The following NAV3 variants were observed in gnomAD, a reference collection of about 807,000 sequenced individuals.
The protein encoded by NAV3 is pore membrane and/or filament interacting like protein 1.
A neutral mutation model predicts 244.7 loss-of-function variants in NAV3; 87 were observed. The ratio of observed to expected loss-of-function variants is 0.36; its 90% CI spans 0.30 to 0.42. NAV3 has a LOEUF of 0.42. Ranked by LOEUF, NAV3 falls within the 20% of genes least tolerant of loss-of-function variation. The pLI is 1.00. For synonymous variants in NAV3, 1,126 were observed against 1,042.2 expected (o/e 1.08, Z -1.55); for missense variants, 2,663 against 2,893.3 (o/e 0.92, Z 1.83).
intron 17 of NAV3, 143 bp downstream of exon 17, chr12:78,127,351 C>T: frequency 3.9e-6 from 3 of 776,028 alleles, no homozygotes; most frequent in Non-Finnish European, 6.3e-6. Flanking sequence ...GTTTCTCTGG[C>T]CCGAACAGTT....
intron 2 of NAV3, among the ~76,000 whole-genome samples, chr12:77,789,106 T>G (rs1871045559): frequency 6.6e-6 from 1 of 152,224 alleles, no homozygotes; most frequent in Non-Finnish European, 1.5e-5. Flanking sequence ...TCTGCCTTAG[T>G]TCAGGCTTTA....
At chr12:77,871,343 G>C (rs1313173284) in intron 1 of NAV3, among the ~76,000 whole-genome samples, 1 of 151,966 alleles carries the variant, frequency 6.6e-6, no homozygotes, top group Non-Finnish European at 1.5e-5. Context: ...GAATGTGCAG[G>C]TTTGTTATAT....
chr12:78,156,339 A>C (rs548106236), intron 22 of NAV3, among the ~76,000 whole-genome samples: 7 of 152,096 alleles, frequency 4.6e-5, no homozygotes, highest in African/African-American at 7.2e-5. Flanking sequence ...CATAACATAC[A>C]TTTCATTGAA....
At chr12:78,138,849 C>T (rs940363895) in intron 19 of NAV3, among the ~76,000 whole-genome samples, 1 of 152,138 alleles carries the variant, frequency 6.6e-6, no homozygotes, top group African/African-American at 2.4e-5. Context: ...TGTGCTCACG[C>T]ATTGAATACT....
At chr12:78,188,845 C>T (rs1236570636) in intron 33 of NAV3, 68 bp downstream of exon 33, 1 of 1,458,918 alleles carries the variant, frequency 6.9e-7, no homozygotes, top group Non-Finnish European at 9.3e-7. Context: ...GCCCCCCGCC[C>T]CTTTTTGGCC....
intron 2 of NAV3, among the ~76,000 whole-genome samples, chr12:77,622,422 G>A (rs992124281): frequency 6.6e-6 from 1 of 151,838 alleles, no homozygotes; most frequent in Non-Finnish European, 1.5e-5. Flanking sequence ...GCCTTCCAAA[G>A]TGCTGGGATT....
rs1215846928 is a variant in NAV3, at chr12:78,122,142, T to C, written c.3952T>C (p.Leu1318=). ...SSPLFNKPSD[L]TTDVISLSHS... is the part of the protein sequence containing the mutation. ...CCCTCTCTTCAATAAACCCTCAGAC[T>C]TAACTACAGATGTTATAAGCTTAAG... is the stretch of plus-strand genomic sequence containing the variant. The change falls in exon 16 of 40, where the codon TTA becomes CTA. Residue 1318 remains leucine, a synonymous_variant. Coordinates refer to ENST00000397909, the MANE Select transcript of NAV3 (RefSeq NM_001024383.2). 1.9e-6 allele frequency: 3 copies of C among 1,614,030 alleles called. No individual in the cohort carries two copies. The highest frequency in any genetic ancestry group is 2.5e-6 in the Non-Finnish European group (3 of 1,180,028).
At chr12:77,769,510 C>A (rs563335731) in intron 2 of NAV3, among the ~76,000 whole-genome samples, 28 of 152,250 alleles carry the variant, frequency 1.8e-4, no homozygotes, top group African/African-American at 6.7e-4. Flanking sequence ...ACATTGTAAG[C>A]TTTCTCTATA....
At chr12:77,786,658 T>G (rs1296964593) in intron 2 of NAV3, among the ~76,000 whole-genome samples, 1 of 152,182 alleles carries the variant, frequency 6.6e-6, no homozygotes, top group African/African-American at 2.4e-5. Context: ...ATTCTTAAAA[T>G]TGATGTTGAG....
chr12:78,019,398 AC>A lies in NAV3; in HGVS notation c.1908-2348del, dbSNP rs1876771901. Among the ~76,000 whole-genome samples the A allele has an allele frequency of 2.6e-5, 4 of 152,332 alleles. No homozygotes were observed. In the South Asian group the frequency reaches 8.3e-4, roughly 32 times the overall value. ...TGATACAAGACTGGACACTGGGGAT[AC>A]AATGGTGAGTTCAAACATGGAGAAT... On this transcript the variant is annotated intron_variant, in intron 8 of 39. Transcript: ENST00000397909.
rs1244691048 is a variant in NAV3 at position 77,790,034 on chromosome 12, C to T, written c.73-150285C>T. Among the ~76,000 whole-genome samples the T allele has an allele frequency of 4.6e-5, 7 of 152,092 alleles. No homozygotes were observed. The South Asian group carries it at 1.0e-3, about 22-fold the overall frequency. On this transcript the variant is annotated intron_variant, in intron 2 of 8. Coordinates refer to the NAV3 transcript ENST00000550042. Reference sequence around the variant, plus strand: ...GTGAGCACCCAGTAACCTTTTGAGACGTGGCAAGTCTGTTTGGCAGATTCC... The same window carrying T: ...GTGAGCACCCAGTAACCTTTTGAGATGTGGCAAGTCTGTTTGGCAGATTCC...
At chr12:77,886,064 A>C (rs1242298) in intron 1 of NAV3, among the ~76,000 whole-genome samples, 19,676 of 151,966 alleles carry the variant, frequency 0.13, 1,359 homozygotes, top group East Asian at 0.17. Context: ...CTCTAAAGGC[A>C]CCTTGTTGGT....
chr12:77,767,589 G>A (rs1869842273), intron 2 of NAV3, among the ~76,000 whole-genome samples: 1 of 152,214 alleles, frequency 6.6e-6, no homozygotes, highest in South Asian at 2.1e-4. Flanking sequence ...ACTGTGGTGG[G>A]GCGGGCAGCT....
At chr12:77,673,288 T>A (rs1874069961) in intron 2 of NAV3, among the ~76,000 whole-genome samples, 1 of 152,162 alleles carries the variant, frequency 6.6e-6, no homozygotes, top group African/African-American at 2.4e-5. Context: ...CAGGTTGCAT[T>A]GCAAGAGATT....
intron 2 of NAV3, among the ~76,000 whole-genome samples, chr12:77,673,247 A>G (rs1272884360): frequency 6.6e-6 from 1 of 152,154 alleles, no homozygotes; most frequent in African/African-American, 2.4e-5. Flanking sequence ...ATTCACACAT[A>G]TGTTACATTT....
intron 1 of NAV3, among the ~76,000 whole-genome samples, chr12:77,878,272 GCTGGAGTGCA>G (rs1199935983): frequency 6.6e-6 from 1 of 152,082 alleles, no homozygotes. Flanking sequence ...TGTTGCCCAG[GCTGGAGTGCA>G]CTGGCAGATC....
intron 31 of NAV3, among the ~76,000 whole-genome samples, chr12:78,187,426 A>T (rs1191030556): frequency 6.6e-6 from 1 of 151,876 alleles, no homozygotes; most frequent in Non-Finnish European, 1.5e-5. Context: ...CAACTATCTA[A>T]TTATATCTAC....
chr12:78,081,009 C>T (rs1953318671), intron 12 of NAV3, among the ~76,000 whole-genome samples: 1 of 152,182 alleles, frequency 6.6e-6, no homozygotes, highest in Admixed American at 6.5e-5. Context: ...ATTTGACAAG[C>T]TAGCAGGTAT....
At chr12:77,854,124 AT>A (rs917352594) in intron 1 of NAV3, among the ~76,000 whole-genome samples, 43 of 152,334 alleles carry the variant, frequency 2.8e-4, no homozygotes, top group African/African-American at 1.0e-3. Context: ...CAGATGCCTT[AT>A]CATCATGGTT....
Sources: gnomAD v4.1 joint callset for allele counts (sites outside exome capture counted in the v4.1 genomes callset) on GRCh38, gnomAD v4.1.1 for gene constraint, MANE v1.5 for transcripts, NCBI Gene and HGNC (gene_info 2026-07-23, HGNC 2026-07-21) for gene names.